ROBO1: variants seen among roughly 807,000 people sequenced by gnomAD.
The protein encoded by ROBO1 is roundabout homolog 1.
ROBO1 carries 149 observed loss-of-function variants against 195.9 expected under a neutral mutation model. The observed-to-expected ratio is 0.76, with a 90% CI of 0.67 to 0.87. The LOEUF is 0.87. Ranked by LOEUF, ROBO1 falls within the 40% of genes least tolerant of loss-of-function variation. The pLI, the probability that ROBO1 is intolerant of heterozygous loss-of-function variation, is 0.00. For missense variants in ROBO1, 1,933 were observed against 2,068.3 expected, an observed-to-expected ratio of 0.93 and a Z score of 1.27; for synonymous variants, 816 against 733.2, an observed-to-expected ratio of 1.11 and a Z score of -1.82.
chr3:78,965,679 C>T (rs1420843668), intron 3 of ROBO1, among the ~76,000 whole-genome samples: 1 of 151,502 alleles, frequency 6.6e-6, no homozygotes, highest in Non-Finnish European at 1.5e-5. Flanking sequence ...TAATATAAAA[C>T]TCACTTTTAT....
chr3:79,156,382 C>T (rs2080858576), intron 2 of ROBO1, among the ~76,000 whole-genome samples: 1 of 151,618 alleles, frequency 6.6e-6, no homozygotes, highest in African/African-American at 2.4e-5. Flanking sequence ...TTAAACTCTT[C>T]AAGTGCAGAA....
At chr3:79,716,844 C>T (rs1166069982) in intron 1 of ROBO1, among the ~76,000 whole-genome samples, 4 of 151,812 alleles carry the variant, frequency 2.6e-5, no homozygotes, top group South Asian at 2.1e-4. Flanking sequence ...AAAAATGATT[C>T]GATGACATTT....
At chr3:79,450,586 A>G (rs1251677345) in intron 2 of ROBO1, among the ~76,000 whole-genome samples, 2 of 152,116 alleles carry the variant, frequency 1.3e-5, no homozygotes. Flanking sequence ...ACAAAACTAA[A>G]TAGAGCACTT....
intron 4 of ROBO1, among the ~76,000 whole-genome samples, chr3:78,870,584 C>T (rs907542329): frequency 6.6e-6 from 1 of 152,184 alleles, no homozygotes; most frequent in African/African-American, 2.4e-5. Flanking sequence ...AAAAGGCTTT[C>T]CCTTGCACTG....
chr3:79,681,113 G>A (rs1250188066), intron 1 of ROBO1, among the ~76,000 whole-genome samples: 4 of 152,008 alleles, frequency 2.6e-5, no homozygotes, highest in Non-Finnish European at 5.9e-5. Flanking sequence ...TTGAGTAGGA[G>A]CTGATATTTA....
At chr3:79,637,670 G>GAT (rs1181374632) in intron 1 of ROBO1, among the ~76,000 whole-genome samples, 2 of 152,104 alleles carry the variant, frequency 1.3e-5, no homozygotes, top group African/African-American at 2.4e-5. Flanking sequence ...TATTATATAA[G>GAT]ATATATATAA....
At chr3:78,599,329 G>A (rs1304018950) in intron 30 of ROBO1, among the ~76,000 whole-genome samples, 2 of 152,118 alleles carry the variant, frequency 1.3e-5, no homozygotes, top group Non-Finnish European at 2.9e-5. Context: ...ACTAAGACCT[G>A]AAAAACAACT....
chr3:79,550,141 C>G (rs1942423627), intron 2 of ROBO1, among the ~76,000 whole-genome samples: 1 of 55,730 alleles, frequency 1.8e-5, no homozygotes, highest in Non-Finnish European at 3.6e-5. Context: ...AAAATTAAAA[C>G]AAAAAGAAAG....
At chr3:79,248,374 CAAAAAAAAAAAAA>C (rs10559171) in intron 2 of ROBO1, among the ~76,000 whole-genome samples, 2 of 36,208 alleles carry the variant, frequency 5.5e-5, no homozygotes, top group East Asian at 1.1e-3. Flanking sequence ...GAAGACAGAC[CAAAAAAAAAAAAA>C]AAAAAAAAAA....
intron 3 of ROBO1, among the ~76,000 whole-genome samples, chr3:78,990,475 C>T (rs974778778): frequency 6.6e-6 from 1 of 152,014 alleles, no homozygotes; most frequent in African/African-American, 2.4e-5. Context: ...GGTAATATTA[C>T]CATAATTTAT....
At chr3:79,663,330 T>C (rs565284968) in intron 1 of ROBO1, among the ~76,000 whole-genome samples, 2 of 152,250 alleles carry the variant, frequency 1.3e-5, no homozygotes, top group South Asian at 4.1e-4. Flanking sequence ...TATTGGATTA[T>C]ATGTTTGTCA....
intron 3 of ROBO1, among the ~76,000 whole-genome samples, chr3:79,040,494 G>A (rs1430816059): frequency 1.3e-5 from 2 of 152,002 alleles, no homozygotes; most frequent in Non-Finnish European, 2.9e-5. Context: ...CATTTAATGG[G>A]TAACACCAAA....
chr3:78,751,072 C>A (rs536240829), intron 4 of ROBO1, among the ~76,000 whole-genome samples: 20 of 152,088 alleles, frequency 1.3e-4, no homozygotes, highest in African/African-American at 4.8e-4. Flanking sequence ...TGCATCACTG[C>A]GCTACAGTCT....
At chr3:79,243,809 T>G (rs1482307738) in intron 2 of ROBO1, among the ~76,000 whole-genome samples, 1 of 152,208 alleles carries the variant, frequency 6.6e-6, no homozygotes, top group East Asian at 1.9e-4. Context: ...TAGTTTCTTT[T>G]GCTGTGCAGA....
rs182912649 is a variant in ROBO1 at position 79,510,202 on chromosome 3, G to A, written c.88+79622C>T. Among the ~76,000 whole-genome samples the A allele has an allele frequency of 7.9e-5, 12 of 152,238 alleles. No homozygotes were observed. The East Asian group carries it at 9.7e-4, about 12-fold the overall frequency. ...TAATCCCCACGTCATGGGAGGCACC[G>A]GATAGGAGGTAATTGAATCATGGAG... On this transcript the variant is annotated intron_variant, in intron 2 of 30. Coordinates refer to ENST00000464233, the MANE Select transcript of ROBO1 (RefSeq NM_002941.4).
At chr3:79,478,969 T>C (rs1265734613) in intron 2 of ROBO1, among the ~76,000 whole-genome samples, 1 of 152,168 alleles carries the variant, frequency 6.6e-6, no homozygotes, top group African/African-American at 2.4e-5. Flanking sequence ...GAGTATAATA[T>C]GTACTCCACT....
intron 2 of ROBO1, among the ~76,000 whole-genome samples, chr3:79,137,575 A>G (rs553149938): frequency 7.4e-4 from 112 of 152,200 alleles, no homozygotes; most frequent in African/African-American, 2.4e-3. Context: ...ATCATTTTAT[A>G]TGCATATATG....
At chr3:79,556,424 G>T (rs769646184) in intron 2 of ROBO1, among the ~76,000 whole-genome samples, 1 of 151,974 alleles carries the variant, frequency 6.6e-6, no homozygotes, top group Non-Finnish European at 1.5e-5. Context: ...GTACTGGTTT[G>T]CTAGTTATTG....
At chr3:78,957,770 T>C (rs2041125668) in intron 3 of ROBO1, among the ~76,000 whole-genome samples, 1 of 152,228 alleles carries the variant, frequency 6.6e-6, no homozygotes, top group Non-Finnish European at 1.5e-5. Context: ...GTCTTACTTA[T>C]CTTCCATGCC....
Sources: allele counts gnomAD v4.1 joint callset (sites outside exome capture counted in the v4.1 genomes callset), GRCh38; gene constraint gnomAD v4.1.1; transcripts MANE v1.5; gene names NCBI Gene and HGNC (gene_info 2026-07-23, HGNC 2026-07-21).